The following GABRA5 variants were observed in gnomAD, a reference collection of about 807,000 sequenced individuals.
The protein encoded by GABRA5 is gamma-aminobutyric acid type A receptor subunit alpha5, also known as gamma-aminobutyric acid receptor subunit alpha-5.
GABRA5 carries 18 observed loss-of-function variants against 47.3 expected under a neutral mutation model. That is an observed-to-expected ratio of 0.38 (90% CI 0.26 to 0.56). GABRA5 has a LOEUF of 0.56. Ranked by LOEUF, GABRA5 falls within the 20% of genes least tolerant of loss-of-function variation. The pLI, the probability that GABRA5 is intolerant of heterozygous loss-of-function variation, is 0.71. For synonymous variants in GABRA5, 237 were observed against 229.3 expected (o/e 1.03, Z -0.30); for missense variants, 365 against 599.3 (o/e 0.61, Z 4.08).
chr15:26,880,171 A>G (rs1366488813), intron 3 of GABRA5, among the ~76,000 whole-genome samples: 1 of 152,186 alleles, frequency 6.6e-6, no homozygotes, highest in Non-Finnish European at 1.5e-5. Flanking sequence ...CAAACAAAAA[A>G]TGTTCTTGTG....
chr15:26,882,391 G>A (rs959606301), intron 4 of GABRA5, among the ~76,000 whole-genome samples: 1 of 152,128 alleles, frequency 6.6e-6, no homozygotes, highest in East Asian at 1.9e-4. Context: ...ATCACACCGC[G>A]AGCTGCTGGA....
chr15:26,883,576 C>CGGGGGGGGGGGGG lies in GABRA5; in HGVS notation c.497+22_497+23insGGGGGGGGGGGGG. 1 of 495,428 alleles carries CGGGGGGGGGGGGG rather than the reference C, an allele frequency of 2.0e-6. No homozygotes were observed. Among genetic ancestry groups the CGGGGGGGGGGGGG allele is most frequent in the Non-Finnish European group, 3.8e-6 (1 of 266,004 alleles). 30.7% of individuals were successfully genotyped at this position (495,428 alleles called of 1,614,324 possible). A position where few individuals can be genotyped will look rare whatever the true frequency, so the allele number is the denominator to read the frequency against. On this transcript the variant is annotated intron_variant, in intron 6 of 10. Coordinates refer to ENST00000335625, the MANE Select transcript of GABRA5 (RefSeq NM_000810.4). This position sits in a 1 kb window ranked among gnomAD's most constrained non-coding sequence, Gnocchi z 4.8. ...CCATGCGGTGAGCGCCGGGCGGGGG[C>CGGGGGGGGGGGGG]GGGCGGGGCCGGGGGACGGTGCGGG...
At chr15:26,893,051 CTGTT>C (rs1384723364) in intron 6 of GABRA5, among the ~76,000 whole-genome samples, 2 of 143,632 alleles carry the variant, frequency 1.4e-5, no homozygotes, top group Non-Finnish European at 3.0e-5. Context: ...TGTGGTGTGT[CTGTT>C]GTGTGTGTAC....
intron 6 of GABRA5, among the ~76,000 whole-genome samples, chr15:26,894,435 C>A (rs143023724): frequency 0.046 from 6,985 of 152,176 alleles, 377 homozygotes; most frequent in East Asian, 0.16. Context: ...GCTCCCGGAA[C>A]GATCCCGGGC....
Position 26,948,228 on chromosome 15 carries a change from A to C in GABRA5, c.1384A>C (p.Lys462Gln). The change falls in exon 11 of 11, where the codon AAA becomes CAA. Residue 462 changes from lysine (K) to glutamine (Q), a missense_variant. By Grantham distance (53) the Lys-to-Gln change is moderately conservative (BLOSUM62 1). Transcript: ENST00000335625. The part of the protein sequence containing the change: ...EPVIKGAASP[K>Q] ...GGTGATAAAAGGAGCCGCCTCTCCA[A>C]AATAACCGGCCACACTCCCAAACTC... 6.2e-7 allele frequency: 1 copy of C among 1,610,822 alleles called. No individual in the cohort carries two copies. Among genetic ancestry groups the C allele is most frequent in the South Asian group, 1.1e-5 (1 of 90,586 alleles).
At chr15:26,922,071 G>A (rs913701328) in intron 7 of GABRA5, among the ~76,000 whole-genome samples, 1 of 151,940 alleles carries the variant, frequency 6.6e-6, no homozygotes, top group Non-Finnish European at 1.5e-5. Context: ...GTGGTTGCTG[G>A]GTGGATTGTC....
rs1892400788 is a variant in GABRA5, at chr15:26,869,190, G to A, written c.-59G>A. On this transcript the variant is annotated 5_prime_UTR_variant, in exon 3 of 11. Coordinates refer to ENST00000335625, the MANE Select transcript of GABRA5 (RefSeq NM_000810.4). ...TGCTTTTCAGCTTCAAGAACAAGCTGGAGAAGGGAAGAGTTATTCCTCCAT... is the reference window on the plus strand; with the variant it reads ...TGCTTTTCAGCTTCAAGAACAAGCTAGAGAAGGGAAGAGTTATTCCTCCAT... 1 of 1,026,040 alleles carries A rather than the reference G, an allele frequency of 9.7e-7. No homozygotes were observed. The allele number at this position is 1,026,040 out of a possible 1,614,324, so 63.6% of individuals were successfully genotyped here. A position where few individuals can be genotyped will look rare whatever the true frequency, so the allele number is the denominator to read the frequency against.
intron 6 of GABRA5, among the ~76,000 whole-genome samples, chr15:26,898,898 A>G (rs576916621): frequency 4.6e-5 from 7 of 152,094 alleles, no homozygotes; most frequent in African/African-American, 1.7e-4. Flanking sequence ...GTTGTCATTT[A>G]TCTCAATATT....
rs1383514715 is a variant in GABRA5, at chr15:26,930,006, C to CTTCTTTTTTTTTTT, written c.581-7177_581-7176insCTTTTTTTTTTTTT. ...CTTTCTTCTTCTTCTTCTTCTTCTT[C>CTTCTTTTTTTTTTT]TTTTTTTTTTTTTTTTGTTTTTTGT... On this transcript the variant is annotated intron_variant, in intron 7 of 10. Coordinates refer to ENST00000335625, the MANE Select transcript of GABRA5 (RefSeq NM_000810.4). Among the ~76,000 whole-genome samples, 5 of 113,412 alleles carry CTTCTTTTTTTTTTT rather than the reference C, an allele frequency of 4.4e-5. No homozygotes were observed. The East Asian group carries it at 1.5e-3, about 34-fold the overall frequency. 74.4% of individuals were successfully genotyped at this position (113,412 alleles called of 152,430 possible). A position where few individuals can be genotyped will look rare whatever the true frequency, so the allele number is the denominator to read the frequency against.
chr15:26,908,281 C>A (rs1235728129), intron 6 of GABRA5, among the ~76,000 whole-genome samples: 1 of 152,136 alleles, frequency 6.6e-6, no homozygotes, highest in Non-Finnish European at 1.5e-5. Context: ...ACAAACTATG[C>A]TCCGTGTGCA....
At chr15:26,910,597 CAAA>C (rs34894641) in intron 6 of GABRA5, among the ~76,000 whole-genome samples, 44,405 of 146,488 alleles carry the variant, frequency 0.3, 6,567 homozygotes, top group Middle Eastern at 0.36. Flanking sequence ...GAGACTCCAT[CAAA>C]AAAAAAAAAA....
In GABRA5 at chr15:26,943,333, C is replaced by T. The variant is rs1372997129; in HGVS notation, c.996C>T (p.Phe332=). 6.3e-7 allele frequency: 1 copy of T among 1,594,610 alleles called. No homozygotes were observed. Among genetic ancestry groups the T allele is most frequent in the Non-Finnish European group, 8.5e-7 (1 of 1,170,678 alleles). The part of the protein sequence containing the change: ...WFIAVCYAFV[F]SALIEFATVN... Reference sequence around the variant, plus strand: ...TAGCCGTGTGCTATGCCTTCGTCTTCTCGGCGCTGATAGAGTTTGCCACGG... The same window carrying T: ...TAGCCGTGTGCTATGCCTTCGTCTTTTCGGCGCTGATAGAGTTTGCCACGG... The change falls in exon 10 of 11, where the codon TTC becomes TTT. Residue 332 remains phenylalanine (F), a synonymous_variant. Transcript: ENST00000335625.
At chr15:26,879,083 G>A (rs1477113921) in intron 3 of GABRA5, among the ~76,000 whole-genome samples, 1 of 152,230 alleles carries the variant, frequency 6.6e-6, no homozygotes, top group Non-Finnish European at 1.5e-5. Flanking sequence ...TTTCACAACA[G>A]AGAATGGAGT....
At chr15:26,928,246 A>G (rs1367450039) in intron 7 of GABRA5, among the ~76,000 whole-genome samples, 1 of 152,188 alleles carries the variant, frequency 6.6e-6, no homozygotes, top group African/African-American at 2.4e-5. Flanking sequence ...ATTCAGACAC[A>G]TGAATTATGC....
chr15:26,874,840 A>G lies in GABRA5; in HGVS notation c.86+5506A>G, dbSNP rs557105966. ...AACCAGTTAATTTTTAGTTTTAACA[A>G]GAACAATTGGGCCATCACTGTACTG... On this transcript the variant is annotated intron_variant, in intron 3 of 10. Transcript: ENST00000335625. Among the ~76,000 whole-genome samples, 8 of 152,354 alleles carry G rather than the reference A, an allele frequency of 5.3e-5. No homozygotes were observed. The South Asian group carries it at 1.7e-3, about 32-fold the overall frequency.
At chr15:26,878,574 G>T (rs1232880307) in intron 3 of GABRA5, among the ~76,000 whole-genome samples, 4 of 152,064 alleles carry the variant, frequency 2.6e-5, no homozygotes, top group African/African-American at 9.7e-5. Flanking sequence ...TTAAGAATCT[G>T]TTTCTTCCCT....
intron 8 of GABRA5, among the ~76,000 whole-genome samples, chr15:26,938,536 A>G (rs953590698): frequency 2.0e-5 from 3 of 152,364 alleles, no homozygotes; most frequent in East Asian, 1.9e-4. Context: ...TACCGCCAAA[A>G]TAATTAGAAG....
chr15:26,877,602 G>A (rs1892629545), intron 3 of GABRA5: 3 of 449,258 alleles, frequency 6.7e-6, no homozygotes, highest in South Asian at 1.6e-5. Context: ...AGAGAAGCAC[G>A]TCACACACTG....
At chr15:26,887,114 G>C (rs1892898445) in intron 6 of GABRA5, among the ~76,000 whole-genome samples, 1 of 152,086 alleles carries the variant, frequency 6.6e-6, no homozygotes, top group Non-Finnish European at 1.5e-5. Context: ...TTCCCACATA[G>C]TATCCATCTC....
Sources: gnomAD v4.1 joint callset for allele counts (sites outside exome capture counted in the v4.1 genomes callset) on GRCh38, gnomAD v4.1.1 for gene constraint, Gnocchi (gnomAD v3.1) non-coding constraint, MANE v1.5 for transcripts, NCBI Gene and HGNC (gene_info 2026-07-23, HGNC 2026-07-21) for gene names.